The following GABPA variants were observed in gnomAD, a reference collection of about 807,000 sequenced individuals.
GABPA encodes the protein GA binding protein transcription factor subunit alpha.
GABPA carries 4 observed loss-of-function variants against 59.4 expected under a neutral mutation model. The observed-to-expected ratio is 0.07, with a 90% CI of 0.03 to 0.15. The LOEUF is 0.15. Among genes scored for constraint, GABPA ranks in the 10% least tolerant of loss-of-function variants. The probability of loss-of-function intolerance (pLI) is 1.00; values close to 1 mark genes in which losing one functional copy is unlikely to be tolerated. For missense variants in GABPA, 251 were observed against 543.8 expected (o/e 0.46, Z 5.36); for synonymous variants, 164 against 183.1 (o/e 0.90, Z 0.84).
intron 5 of GABPA, among the ~76,000 whole-genome samples, chr21:25,752,698 G>A (rs2035544213): frequency 6.6e-6 from 1 of 152,162 alleles, no homozygotes; most frequent in Admixed American, 6.5e-5. Flanking sequence ...CTGGGGGTAT[G>A]CATGAGTAGT....
At chr21:25,749,693 T>C (rs1293476855) in intron 4 of GABPA, among the ~76,000 whole-genome samples, 1 of 152,170 alleles carries the variant, frequency 6.6e-6, no homozygotes, top group Non-Finnish European at 1.5e-5. Context: ...AAGCTGGGTG[T>C]GGTGGCACAT....
At chr21:25,739,163 G>A (rs1185852208) in intron 1 of GABPA, among the ~76,000 whole-genome samples, 3 of 152,162 alleles carry the variant, frequency 2.0e-5, no homozygotes, top group South Asian at 2.1e-4. Context: ...TAATTACGTG[G>A]GAAAAATTAG....
chr21:25,768,916 T>TA (rs2146108021), intron 9 of GABPA, 88 bp from the exon 10 acceptor site: 1 of 816,456 alleles, frequency 1.2e-6, no homozygotes, highest in African/African-American at 1.7e-5. Flanking sequence ...AGTACTCTAC[T>TA]AGGCTTCTGC....
chr21:25,741,058 T>G (rs1414631040), intron 1 of GABPA, among the ~76,000 whole-genome samples: 1 of 152,230 alleles, frequency 6.6e-6, no homozygotes, highest in Non-Finnish European at 1.5e-5. Flanking sequence ...TCCAGTAGAT[T>G]AATGAAGTTG....
At chr21:25,763,783 C>T (rs1420086746) in intron 7 of GABPA, among the ~76,000 whole-genome samples, 2 of 152,018 alleles carry the variant, frequency 1.3e-5, no homozygotes, top group Non-Finnish European at 2.9e-5. Context: ...GTGAGATGTT[C>T]GTGTCATAGG....
chr21:25,744,704 T>A (rs2035315897), intron 2 of GABPA, among the ~76,000 whole-genome samples: 1 of 152,168 alleles, frequency 6.6e-6, no homozygotes, highest in African/African-American at 2.4e-5. Flanking sequence ...TTTTAAACGT[T>A]GAGCTGTCCT....
At chr21:25,739,182 G>A (rs534970716) in intron 1 of GABPA, among the ~76,000 whole-genome samples, 1 of 152,302 alleles carries the variant, frequency 6.6e-6, no homozygotes, top group South Asian at 2.1e-4. Flanking sequence ...AGATCATTTT[G>A]TATCAGGCAG....
chr21:25,749,702 A>G (rs2035459310), intron 4 of GABPA, among the ~76,000 whole-genome samples: 1 of 152,206 alleles, frequency 6.6e-6, no homozygotes, highest in African/African-American at 2.4e-5. Context: ...GTGGTGGCAC[A>G]TGCCTGTAAT....
intron 1 of GABPA, among the ~76,000 whole-genome samples, chr21:25,738,584 C>G (rs753292037): frequency 6.6e-6 from 1 of 152,136 alleles, no homozygotes; most frequent in Non-Finnish European, 1.5e-5. Context: ...ACAAAAATGT[C>G]CCCACCATTT....
Position 25,764,254 on chromosome 21 carries a change from A to G in GABPA, c.847A>G (p.Thr283Ala). The change falls in exon 8 of 10, where the codon ACC becomes GCC. Residue 283 changes from threonine (T) to alanine (A), a missense_variant. Around this residue, in one of 4 missense-constraint regions of GABPA, gnomAD observed 207 missense variants for 366.7 expected, o/e 0.56. Coordinates refer to ENST00000400075, the MANE Select transcript of GABPA (RefSeq NM_002040.4). ...ATCAGTGCAATCTGCTACACCTACTACCATTAAAGTTATAAATAGTAGTGC... is the reference window on the plus strand; with the variant it reads ...ATCAGTGCAATCTGCTACACCTACTGCCATTAAAGTTATAAATAGTAGTGC... The part of the protein sequence containing the change: ...PASVQSATPT[T>A]IKVINSSAKA... 1 of 1,611,436 alleles carries G rather than the reference A, an allele frequency of 6.2e-7. No homozygotes were observed.
At chr21:25,762,456 A>AT in intron 7 of GABPA, 91 bp downstream of exon 7, 15 of 942,246 alleles carry the variant, frequency 1.6e-5, no homozygotes, top group South Asian at 3.3e-5. Context: ...ATTTAAAAAA[A>AT]TTTTTTTTCT....
In GABPA at chr21:25,769,246, C is replaced by G. The variant is rs368818775; in HGVS notation, c.*14C>G. On this transcript the variant is annotated 3_prime_UTR_variant, in exon 10 of 10. Coordinates refer to ENST00000400075, the MANE Select transcript of GABPA (RefSeq NM_002040.4). Reference sequence around the variant, plus strand: ...AAGGATAATTGAGCCCCAGGACATTCTGAGACTCCAAAGTCTTTCTTAAAA... The same window carrying G: ...AAGGATAATTGAGCCCCAGGACATTGTGAGACTCCAAAGTCTTTCTTAAAA... 6.6e-7 allele frequency: 1 copy of G among 1,525,976 alleles called. No individual in the cohort carries two copies. Among genetic ancestry groups the G allele is most frequent in the South Asian group, 1.1e-5 (1 of 89,194 alleles). 94.5% of individuals were successfully genotyped at this position (1,525,976 alleles called of 1,614,324 possible). A position where few individuals can be genotyped will look rare whatever the true frequency, so the allele number is the denominator to read the frequency against.
intron 7 of GABPA, among the ~76,000 whole-genome samples, 198 bp downstream of exon 7, chr21:25,762,563 A>G (rs1239592510): frequency 1.3e-5 from 2 of 152,220 alleles, no homozygotes; most frequent in Non-Finnish European, 2.9e-5. Flanking sequence ...TTAACATAAC[A>G]GCTTGCTTTG....
chr21:25,763,162 G>T (rs2035805231), intron 7 of GABPA: 4 of 506,250 alleles, frequency 7.9e-6, no homozygotes, highest in Non-Finnish European at 1.2e-5. Context: ...TTTTCTCTTG[G>T]CATGTTTGGG....
At chr21:25,736,795 G>T (rs936140538) in intron 1 of GABPA, among the ~76,000 whole-genome samples, 3 of 152,164 alleles carry the variant, frequency 2.0e-5, no homozygotes, top group Non-Finnish European at 4.4e-5. Flanking sequence ...TTCACTGTAT[G>T]TGCTTTCTCT....
intron 1 of GABPA, among the ~76,000 whole-genome samples, chr21:25,740,775 C>T (rs1049546777): frequency 6.6e-6 from 1 of 152,122 alleles, no homozygotes; most frequent in Non-Finnish European, 1.5e-5. Flanking sequence ...CTTTGTTTTG[C>T]TGTTTTATAA....
chr21:25,764,192 C>T lies in GABPA; in HGVS notation c.803-18C>T, dbSNP rs2035834627. On this transcript the variant is annotated intron_variant, in intron 7 of 9. Coordinates refer to ENST00000400075, the MANE Select transcript of GABPA (RefSeq NM_002040.4). ...TTGTATTGGAAGAAAAAAAATTTCT[C>T]CTTGTCTGTCTTTGCAGCTGTGCAA... 16 of 1,524,830 alleles carry T rather than the reference C, an allele frequency of 1.0e-5. No individual in the cohort carries two copies. Among genetic ancestry groups the T allele is most frequent in the East Asian group, 2.4e-5 (1 of 42,120 alleles). 94.5% of individuals were successfully genotyped at this position (1,524,830 alleles called of 1,614,324 possible). A position where few individuals can be genotyped will look rare whatever the true frequency, so the allele number is the denominator to read the frequency against.
At chr21:25,766,618 T>C (rs944759434) in intron 9 of GABPA, among the ~76,000 whole-genome samples, 3 of 151,812 alleles carry the variant, frequency 2.0e-5, no homozygotes, top group African/African-American at 7.3e-5. Context: ...GTATTCAGAG[T>C]AATGCAATTG....
rs1040954118 is a variant in GABPA, at chr21:25,735,455, A to C, written c.-150A>C. Reference sequence around the variant, plus strand: ...TCCGCGGGAAGGGCCCTGGGACCTCACACTTCTAGTCGCGGGAGCTGCAGG... The same window carrying C: ...TCCGCGGGAAGGGCCCTGGGACCTCCCACTTCTAGTCGCGGGAGCTGCAGG... On this transcript the variant is annotated 5_prime_UTR_variant, in exon 1 of 10. Coordinates refer to ENST00000400075, the MANE Select transcript of GABPA (RefSeq NM_002040.4). 1 of 160,260 alleles carries C rather than the reference A, an allele frequency of 6.2e-6. No homozygotes were observed. Among genetic ancestry groups the C allele is most frequent in the African/African-American group, 2.4e-5 (1 of 41,592 alleles). The allele number at this position is 160,260 out of a possible 1,614,324, so 9.9% of individuals were successfully genotyped here.
Sources: allele counts gnomAD v4.1 joint callset (sites outside exome capture counted in the v4.1 genomes callset), GRCh38; gene constraint gnomAD v4.1.1; regional missense constraint gnomAD v4.1.1; transcripts MANE v1.5; gene names NCBI Gene and HGNC (gene_info 2026-07-23, HGNC 2026-07-21).